The following CEP15 variants were observed in gnomAD, a reference collection of about 807,000 sequenced individuals.
CEP15 encodes the protein centrosomal protein 15, also known as centrosomal protein 15 kDa.
the CEP15 span, chr3:62,333,673 C>T: frequency 4.7e-6 from 1 of 212,988 alleles, no homozygotes; most frequent in Non-Finnish European, 9.2e-6. This position sits in a 1 kb window ranked among gnomAD's most constrained non-coding sequence, Gnocchi z 4.0. Flanking sequence ...GAGTGTGTTG[C>T]TTTAAAAAAA....
chr3:62,321,305 A>G, the CEP15 span, among the ~76,000 whole-genome samples: 1 of 152,224 alleles, frequency 6.6e-6, no homozygotes, highest in East Asian at 1.9e-4. This position sits in a 1 kb window ranked among gnomAD's most constrained non-coding sequence, Gnocchi z 4.1. Flanking sequence ...GAAGATGTTT[A>G]CTTGTAATTT....
the CEP15 span, among the ~76,000 whole-genome samples, chr3:62,328,076 C>T: frequency 6.6e-6 from 1 of 152,134 alleles, no homozygotes; most frequent in Non-Finnish European, 1.5e-5. Context: ...CTCCAAGAAG[C>T]CCTGGTTCCT....
At chr3:62,332,071 G>A in the CEP15 span, among the ~76,000 whole-genome samples, 2 of 151,970 alleles carry the variant, frequency 1.3e-5, no homozygotes. Context: ...TGTCATCTAG[G>A]GTAATAAAAC....
At chr3:62,326,286 G>A in the CEP15 span, among the ~76,000 whole-genome samples, 5 of 152,064 alleles carry the variant, frequency 3.3e-5, no homozygotes, top group African/African-American at 7.2e-5. Context: ...TCTCACCTCC[G>A]GTTCCTTGAA....
At chr3:62,321,934 T>C in the CEP15 span, 1 of 1,588,254 alleles carries the variant, frequency 6.3e-7, no homozygotes, top group Non-Finnish European at 8.6e-7. The surrounding 1 kb of genome is among the most constrained non-coding windows in gnomAD (Gnocchi z 4.1). Flanking sequence ...TTCTAGAGTA[T>C]CACAAAGATT....
the CEP15 span, among the ~76,000 whole-genome samples, chr3:62,325,349 C>G: frequency 6.6e-6 from 1 of 152,066 alleles, no homozygotes; most frequent in Non-Finnish European, 1.5e-5. Flanking sequence ...TTGCCTTGAA[C>G]TCAATAAAAT....
chr3:62,331,089 A>G, the CEP15 span, among the ~76,000 whole-genome samples: 2 of 152,172 alleles, frequency 1.3e-5, no homozygotes, highest in African/African-American at 4.8e-5. Context: ...GTGAAAAGGC[A>G]GAACTTAGAA....
chr3:62,327,527 T>C, the CEP15 span, among the ~76,000 whole-genome samples: 1 of 128,588 alleles, frequency 7.8e-6, no homozygotes, highest in Non-Finnish European at 1.7e-5. Flanking sequence ...GGTTCATTGT[T>C]TGGGGGAAGA....
the CEP15 span, chr3:62,333,130 A>ATG: frequency 5.3e-3 from 3,951 of 748,130 alleles, 9 homozygotes; most frequent in Admixed American, 9.3e-3. This position sits in a 1 kb window ranked among gnomAD's most constrained non-coding sequence, Gnocchi z 4.0. Context: ...TTCTACATAT[A>ATG]TGTGTGTGTG....
the CEP15 span, among the ~76,000 whole-genome samples, chr3:62,329,528 G>A: frequency 6.6e-6 from 1 of 152,196 alleles, no homozygotes; most frequent in Non-Finnish European, 1.5e-5. Context: ...TCAGAGGTGA[G>A]CATGTCATCT....
the CEP15 span, among the ~76,000 whole-genome samples, chr3:62,325,797 G>A: frequency 3.9e-5 from 6 of 152,110 alleles, no homozygotes; most frequent in African/African-American, 1.4e-4. Context: ...ACTTTGGGAG[G>A]CCAAGGCGGG....
the CEP15 span, among the ~76,000 whole-genome samples, chr3:62,320,124 CAGAGCAGATTTTTTT>C: frequency 6.6e-6 from 1 of 152,174 alleles, no homozygotes; most frequent in Non-Finnish European, 1.5e-5. Flanking sequence ...TTGAATTTTA[CAGAGCAGATTTTTTT>C]TCTGTTGATT....
At chr3:62,324,486 C>T in the CEP15 span, among the ~76,000 whole-genome samples, 1 of 152,134 alleles carries the variant, frequency 6.6e-6, no homozygotes, top group East Asian at 1.9e-4. Context: ...ATTTGATTCT[C>T]ATGTAAAGGT....
the CEP15 span, chr3:62,334,654 A>G: frequency 6.6e-6 from 1 of 152,210 alleles, no homozygotes; most frequent in African/African-American, 2.4e-5. This position sits in a 1 kb window ranked among gnomAD's most constrained non-coding sequence, Gnocchi z 4.9. Context: ...GAACTGTTAT[A>G]TAACTATAAA....
At chr3:62,330,011 T>C in the CEP15 span, among the ~76,000 whole-genome samples, 2 of 152,184 alleles carry the variant, frequency 1.3e-5, no homozygotes, top group Admixed American at 6.5e-5. Context: ...TAACTTCCGG[T>C]ATGGGATAGA....
chr3:62,331,691 T>C, the CEP15 span, among the ~76,000 whole-genome samples: 1 of 152,114 alleles, frequency 6.6e-6, no homozygotes, highest in Non-Finnish European at 1.5e-5. Context: ...ACAGACAATA[T>C]GCACTAAATC....
the CEP15 span, among the ~76,000 whole-genome samples, chr3:62,325,517 T>A: frequency 2.0e-5 from 3 of 152,202 alleles, no homozygotes; most frequent in Non-Finnish European, 4.4e-5. Flanking sequence ...CTTCAGTCAG[T>A]AACTATCATA....
chr3:62,320,497 T>C, the CEP15 span: 4 of 1,612,150 alleles, frequency 2.5e-6, no homozygotes. Context: ...GCTCAAGAAA[T>C]TCGCCTTTCT....
chr3:62,321,553 G>T, the CEP15 span, among the ~76,000 whole-genome samples: 1 of 152,120 alleles, frequency 6.6e-6, no homozygotes, highest in Non-Finnish European at 1.5e-5. The surrounding 1 kb of genome is among the most constrained non-coding windows in gnomAD (Gnocchi z 4.1). Context: ...ATGTATGTGT[G>T]TCGGGAGGTA....
Sources: gnomAD v4.1 joint callset for allele counts (sites outside exome capture counted in the v4.1 genomes callset) on GRCh38, gnomAD v4.1.1 for gene constraint, Gnocchi (gnomAD v3.1) non-coding constraint, MANE v1.5 for transcripts, NCBI Gene and HGNC (gene_info 2026-07-23, HGNC 2026-07-21) for gene names.